Variants in CHST9 observed in about 807,000 individuals in gnomAD.
CHST9 encodes the protein carbohydrate sulfotransferase 9.
A neutral mutation model predicts 44.4 loss-of-function variants in CHST9; 41 were observed. The ratio of observed to expected loss-of-function variants is 0.92; its 90% confidence interval spans 0.72 to 1.20. The LOEUF (loss-of-function observed/expected upper bound fraction) is 1.20, where lower values mean the gene tolerates loss of function less well. Ranked by LOEUF, CHST9 falls within the 50% of genes most tolerant of loss-of-function variation. The probability of loss-of-function intolerance (pLI) is 0.00; values close to 1 mark genes in which losing one functional copy is unlikely to be tolerated. For missense variants in CHST9, 504 were observed against 516.5 expected, an observed-to-expected ratio of 0.98 and a Z score of 0.23; for synonymous variants, 171 against 178.4, an observed-to-expected ratio of 0.96 and a Z score of 0.33.
chr18:27,052,278 GTA>G (rs961489655), intron 2 of CHST9, among the ~76,000 whole-genome samples: 18 of 68,692 alleles, frequency 2.6e-4, no homozygotes, highest in Non-Finnish European at 7.8e-4. Context: ...GTATATATAT[GTA>G]TATATATGTG....
intron 2 of CHST9, among the ~76,000 whole-genome samples, chr18:27,093,658 C>A (rs2058090093): frequency 6.6e-6 from 1 of 152,210 alleles, no homozygotes; most frequent in Admixed American, 6.5e-5. Flanking sequence ...TCACGGCTTC[C>A]CTTGGCTAGG....
rs536087593 is a variant in CHST9 at position 26,972,461 on chromosome 18, AG to A, written c.203-28096del. 1.3e-3 allele frequency among the ~76,000 whole-genome samples: 197 copies of A among 151,768 alleles called. 1 individual carries two copies. Among genetic ancestry groups the A allele is most frequent in the African/African-American group, 4.5e-3 (186 of 41,384 alleles). On this transcript the variant is annotated intron_variant, in intron 4 of 5. Transcript: ENST00000618847. ...CAGTCATGCAGCTATCCTGGGAGAA[AG>A]GGTTCTAGACAGAGGGAGCAGGAGC... is the stretch of plus-strand genomic sequence containing the variant.
intron 4 of CHST9, among the ~76,000 whole-genome samples, chr18:27,011,385 C>T (rs114574314): frequency 9.8e-4 from 149 of 152,046 alleles, no homozygotes; most frequent in African/African-American, 2.9e-3. Flanking sequence ...AGTGCAGGGC[C>T]GTGAGCGGAA....
chr18:26,943,233 C>T (rs1300947926), intron 5 of CHST9, among the ~76,000 whole-genome samples: 1 of 152,146 alleles, frequency 6.6e-6, no homozygotes, highest in Non-Finnish European at 1.5e-5. Context: ...TCAACATGTA[C>T]AACAGTATTT....
intron 2 of CHST9, among the ~76,000 whole-genome samples, chr18:27,075,787 TA>T (rs1226352358): frequency 6.6e-6 from 1 of 152,194 alleles, no homozygotes; most frequent in Non-Finnish European, 1.5e-5. Flanking sequence ...TAAAATTGAT[TA>T]CACAACACCT....
intron 2 of CHST9, among the ~76,000 whole-genome samples, chr18:27,049,128 G>A (rs1210234156): frequency 2.0e-5 from 3 of 152,264 alleles, no homozygotes; most frequent in East Asian, 1.9e-4. Context: ...GCAGTGCATA[G>A]GAGGAGGACT....
chr18:27,061,413 G>A (rs2057720123), intron 2 of CHST9, among the ~76,000 whole-genome samples: 1 of 152,138 alleles, frequency 6.6e-6, no homozygotes, highest in Admixed American at 6.5e-5. Context: ...AAAAATTGTA[G>A]GCGTGAGACT....
chr18:27,114,742 G>A (rs1051415200), intron 2 of CHST9, among the ~76,000 whole-genome samples: 1 of 152,150 alleles, frequency 6.6e-6, no homozygotes, highest in South Asian at 2.1e-4. Flanking sequence ...TAAGCATGAT[G>A]TTCTTAAGGT....
chr18:27,051,781 G>T (rs1016156801), intron 2 of CHST9, among the ~76,000 whole-genome samples: 1 of 152,190 alleles, frequency 6.6e-6, no homozygotes, highest in Non-Finnish European at 1.5e-5. Context: ...GTTGTTTTTA[G>T]CTGCTAAATC....
chr18:27,019,081 C>T (rs867735286), intron 4 of CHST9, among the ~76,000 whole-genome samples: 5 of 152,182 alleles, frequency 3.3e-5, no homozygotes, highest in African/African-American at 7.2e-5. Context: ...ACTGTATCTC[C>T]GCAATCTGCA....
intron 3 of CHST9, among the ~76,000 whole-genome samples, chr18:27,029,989 G>A (rs1328658989): frequency 2.0e-5 from 3 of 152,180 alleles, no homozygotes; most frequent in African/African-American, 7.2e-5. Context: ...GGATTTTGTA[G>A]TAGCTGTTTT....
chr18:26,959,017 C>G (rs1354255776), intron 4 of CHST9, among the ~76,000 whole-genome samples: 1 of 152,178 alleles, frequency 6.6e-6, no homozygotes. Flanking sequence ...CATATGCACT[C>G]ATATGTTCAT....
intron 2 of CHST9, among the ~76,000 whole-genome samples, chr18:27,121,981 A>G (rs995556990): frequency 3.9e-5 from 6 of 152,196 alleles, no homozygotes; most frequent in African/African-American, 9.7e-5. Context: ...TTGGTGGTCA[A>G]TGTGGCTTAT....
chr18:26,940,580 C>T (rs971122414), intron 5 of CHST9, among the ~76,000 whole-genome samples: 2 of 152,048 alleles, frequency 1.3e-5, no homozygotes, highest in African/African-American at 4.8e-5. Flanking sequence ...AATCACCGAG[C>T]AAATGAGACA....
intron 4 of CHST9, among the ~76,000 whole-genome samples, chr18:27,013,481 C>T (rs940523238): frequency 2.0e-5 from 3 of 152,080 alleles, no homozygotes; most frequent in South Asian, 2.1e-4. Flanking sequence ...AGCTTGAGCC[C>T]GAGGCCCTGA....
At chr18:26,940,576 C>T (rs1310461845) in intron 5 of CHST9, among the ~76,000 whole-genome samples, 1 of 152,024 alleles carries the variant, frequency 6.6e-6, no homozygotes, top group Non-Finnish European at 1.5e-5. Flanking sequence ...AGGAAATCAC[C>T]GAGCAAATGA....
At chr18:27,124,616 C>T (rs1199153696) in intron 2 of CHST9, among the ~76,000 whole-genome samples, 8 of 152,170 alleles carry the variant, frequency 5.3e-5, no homozygotes, top group Non-Finnish European at 1.2e-4. Flanking sequence ...AAACCTCTTC[C>T]AAAACTACAG....
At position 26,906,973 on chromosome 18, in the gene CHST9, G is replaced by C. The variant is rs1321502245; in HGVS notation, c.*9286C>G. On this transcript the variant is annotated 3_prime_UTR_variant, in exon 6 of 6. Transcript: ENST00000618847. ...GAAAATGGCCAGAAATATGCCTGGA[G>C]AAGAATTGGGATCATGCAGGATATA... is the stretch of plus-strand genomic sequence containing the variant. 6.6e-6 allele frequency: 1 copy of C among 152,290 alleles called. No individual in the cohort carries two copies. Among genetic ancestry groups the C allele is most frequent in the Non-Finnish European group, 1.5e-5 (1 of 68,116 alleles). 9.4% of individuals were successfully genotyped at this position (152,290 alleles called of 1,614,324 possible).
At chr18:27,085,816 T>C (rs1387734016) in intron 2 of CHST9, among the ~76,000 whole-genome samples, 1 of 152,152 alleles carries the variant, frequency 6.6e-6, no homozygotes, top group Non-Finnish European at 1.5e-5. Flanking sequence ...GACACATGCA[T>C]GTGTATGTTC....
Sources: allele counts gnomAD v4.1 joint callset (sites outside exome capture counted in the v4.1 genomes callset), GRCh38; gene constraint gnomAD v4.1.1; transcripts MANE v1.5; gene names NCBI Gene and HGNC (gene_info 2026-07-23, HGNC 2026-07-21).